ANO4: variants seen among roughly 807,000 people sequenced by gnomAD.
The protein encoded by ANO4 is anoctamin 4, also known as anoctamin-4.
A neutral mutation model predicts 141.9 loss-of-function variants in ANO4; 69 were observed. That is an observed-to-expected ratio of 0.49 (90% CI 0.40 to 0.59). The LOEUF is 0.59. ANO4 is among the 20% of genes least tolerant of loss of function. The pLI is 0.00. For synonymous variants in ANO4, 350 were observed against 394.3 expected (o/e 0.89, Z 1.33); for missense variants, 894 against 1,162.2 (o/e 0.77, Z 3.36).
intron 1 of ANO4, among the ~76,000 whole-genome samples, chr12:100,801,483 G>T (rs916018531): frequency 6.8e-6 from 1 of 147,866 alleles, no homozygotes; most frequent in Non-Finnish European, 1.5e-5. Context: ...ATTGCATTAA[G>T]TACCAAGGAA....
intron 3 of ANO4, among the ~76,000 whole-genome samples, chr12:100,787,492 C>G (rs554625022): frequency 6.6e-6 from 1 of 152,248 alleles, no homozygotes; most frequent in Non-Finnish European, 1.5e-5. Flanking sequence ...ATCCTGCACA[C>G]AGTAAGACGC....
upstream of ANO4, among the ~76,000 whole-genome samples, chr12:100,792,287 G>T (rs1263317851): frequency 6.6e-6 from 1 of 152,184 alleles, no homozygotes; most frequent in African/African-American, 2.4e-5. Flanking sequence ...ATAAGTGGCA[G>T]ATACAGGTAC....
Position 101,097,879 on chromosome 12 carries a change from G to A in ANO4, c.1940G>A (p.Cys647Tyr), listed in dbSNP as rs748774623. ...CHPSGCLIDL[C>Y]MQMGIIMVLK... ...CCTAGTGGATGCCTTATTGATCTGT[G>A]TATGCAAATGGGTATTATAATGGTG... Residue 647 changes from cysteine to tyrosine, a missense_variant, in exon 21 of 28, where the codon TGT becomes TAT. Around this residue, in one of 2 missense-constraint regions of ANO4, gnomAD observed 637 missense variants for 909.2 expected, o/e 0.70. Transcript: ENST00000392977. 3 of 1,613,856 alleles carry A rather than the reference G, an allele frequency of 1.9e-6. No individual in the cohort carries two copies. Among genetic ancestry groups the A allele is most frequent in the Admixed American group, 1.7e-5 (1 of 60,004 alleles).
At chr12:100,913,755 G>A (rs1313069517) in intron 2 of ANO4, among the ~76,000 whole-genome samples, 1 of 152,162 alleles carries the variant, frequency 6.6e-6, no homozygotes, top group Non-Finnish European at 1.5e-5. Flanking sequence ...TAGCCATGGT[G>A]GATAGTCAGT....
At chr12:100,884,869 A>G (rs946476993) in intron 1 of ANO4, among the ~76,000 whole-genome samples, 2 of 152,030 alleles carry the variant, frequency 1.3e-5, no homozygotes, top group Admixed American at 1.3e-4. Context: ...TATTTTTAGT[A>G]TTTGTAGTAG....
chr12:100,957,771 C>G (rs1014728513), intron 5 of ANO4, among the ~76,000 whole-genome samples: 6 of 152,182 alleles, frequency 3.9e-5, no homozygotes, highest in Admixed American at 3.3e-4. Flanking sequence ...CCTGTACTTT[C>G]CAGCCTGCAG....
At chr12:101,047,875 G>A (rs2047694143) in intron 13 of ANO4, 3 of 339,364 alleles carry the variant, frequency 8.8e-6, no homozygotes, top group Non-Finnish European at 1.3e-5. Flanking sequence ...CCAGAGGGCA[G>A]CCCAGAAAAT....
intron 5 of ANO4, among the ~76,000 whole-genome samples, chr12:100,946,674 G>T (rs751573762): frequency 5.3e-5 from 8 of 152,184 alleles, no homozygotes. Flanking sequence ...GGGTAAGATA[G>T]AAGAGTCTGG....
At chr12:101,101,187 C>T (rs959180884) in intron 22 of ANO4, among the ~76,000 whole-genome samples, 2 of 152,158 alleles carry the variant, frequency 1.3e-5, no homozygotes, top group African/African-American at 4.8e-5. Context: ...TTTGTCCCCT[C>T]TTCCATTTAT....
intron 2 of ANO4, among the ~76,000 whole-genome samples, chr12:100,921,492 C>T (rs1461007408): frequency 1.3e-5 from 2 of 152,120 alleles, no homozygotes; most frequent in Admixed American, 6.6e-5. Flanking sequence ...AAATCGGAGA[C>T]GTTCTTACTG....
chr12:100,728,316 C>G (rs546067088), intron 1 of ANO4, among the ~76,000 whole-genome samples: 1 of 152,234 alleles, frequency 6.6e-6, no homozygotes, highest in Non-Finnish European at 1.5e-5. Context: ...GTTTTGTCCA[C>G]ACTTTTTCGC....
chr12:100,863,308 G>A (rs185759978), intron 1 of ANO4, among the ~76,000 whole-genome samples: 6 of 152,218 alleles, frequency 3.9e-5, no homozygotes, highest in South Asian at 2.1e-4. Context: ...TGGCTGATAC[G>A]GTAAGAACTG....
intron 7 of ANO4, 40 bp downstream of exon 7, chr12:100,974,929 G>A: frequency 2.5e-6 from 4 of 1,606,084 alleles, no homozygotes; most frequent in African/African-American, 1.3e-5. Flanking sequence ...TTGTCTTTCT[G>A]TTGGCCCGTG....
Position 101,048,231 on chromosome 12 carries a change from C to T in ANO4, c.1252-110C>T, listed in dbSNP as rs149071112. The T allele has an allele frequency of 1.2e-5, 15 of 1,266,364 alleles. No individual in the cohort carries two copies. In the African/African-American group the frequency reaches 2.1e-4, roughly 18 times the overall value. The allele number at this position is 1,266,364 out of a possible 1,614,324, so 78.4% of individuals were successfully genotyped here. On this transcript the variant is annotated intron_variant, in intron 13 of 27. Coordinates refer to ENST00000392977, the MANE Select transcript of ANO4 (RefSeq NM_001286615.2). ...AATATTCCCCCTACCCAAAACAAAG[C>T]CTGTAAAACTCATTATATAATCACA...
intron 2 of ANO4, among the ~76,000 whole-genome samples, chr12:100,907,501 T>G (rs942981063): frequency 6.6e-6 from 1 of 152,220 alleles, no homozygotes; most frequent in Non-Finnish European, 1.5e-5. Flanking sequence ...TATGGTCTTA[T>G]AGTTCTCCCA....
At chr12:101,108,060 A>G (rs2050518030) in intron 22 of ANO4, among the ~76,000 whole-genome samples, 2 of 152,122 alleles carry the variant, frequency 1.3e-5, no homozygotes, top group Non-Finnish European at 2.9e-5. Flanking sequence ...AGGTTCAGAG[A>G]TTGGTTTGGG....
rs17030728 is a variant in ANO4, at chr12:100,881,501, A to G, written c.-140-20145A>G. 9.7e-4 allele frequency among the ~76,000 whole-genome samples: 148 copies of G among 151,806 alleles called. 2 individuals are homozygous for G. In the East Asian group the frequency reaches 0.023, roughly 23 times the overall value. ...TCCACTATTGGATAACAAATAAGCC[A>G]TAATGTAACAGGATTTTCATTTAGG... is the stretch of plus-strand genomic sequence containing the variant. On this transcript the variant is annotated intron_variant, in intron 1 of 27. Coordinates refer to ENST00000392977, the MANE Select transcript of ANO4 (RefSeq NM_001286615.2).
At chr12:100,723,113 C>T (rs2030940862) in intron 1 of ANO4, among the ~76,000 whole-genome samples, 2 of 152,170 alleles carry the variant, frequency 1.3e-5, no homozygotes, top group Admixed American at 1.3e-4. Context: ...TTTTGACCTT[C>T]AGCCCTTCAT....
intron 1 of ANO4, among the ~76,000 whole-genome samples, chr12:100,894,372 C>T (rs747304650): frequency 4.6e-5 from 7 of 151,998 alleles, no homozygotes; most frequent in East Asian, 1.9e-4. Context: ...TCTCTGGGTT[C>T]GGTGGTTGGG....
Sources: gnomAD v4.1 joint callset for allele counts (sites outside exome capture counted in the v4.1 genomes callset) on GRCh38, gnomAD v4.1.1 for gene constraint, gnomAD v4.1.1 regional missense constraint, MANE v1.5 for transcripts, NCBI Gene and HGNC (gene_info 2026-07-23, HGNC 2026-07-21) for gene names.